The following TRERF1 variants were observed in gnomAD, a reference collection of about 807,000 sequenced individuals.
The protein encoded by TRERF1 is transcriptional regulating factor 1.
Under a neutral mutation model 122.9 loss-of-function variants are expected in TRERF1, and 27 were observed. The ratio of observed to expected loss-of-function variants is 0.22; its 90% CI spans 0.16 to 0.30. The LOEUF (loss-of-function observed/expected upper bound fraction) is 0.30, where lower values mean the gene tolerates loss of function less well. TRERF1 is among the 10% of genes least tolerant of loss of function. TRERF1 has a pLI of 1.00. For missense variants in TRERF1, 1,248 were observed against 1,560.3 expected, an observed-to-expected ratio of 0.80 and a Z score of 3.37; for synonymous variants, 636 against 641.7, an observed-to-expected ratio of 0.99 and a Z score of 0.13.
intron 2 of TRERF1, among the ~76,000 whole-genome samples, chr6:42,445,585 C>T (rs1787366178): frequency 6.7e-6 from 1 of 150,338 alleles, no homozygotes; most frequent in African/African-American, 2.5e-5. Flanking sequence ...CTTAGTGGTG[C>T]CCCAACTAAA....
chr6:42,438,244 G>A (rs1785799783), intron 2 of TRERF1, among the ~76,000 whole-genome samples: 1 of 151,210 alleles, frequency 6.6e-6, no homozygotes, highest in African/African-American at 2.4e-5. Context: ...TTTTTAAAAT[G>A]TATCCTGTCC....
intron 3 of TRERF1, among the ~76,000 whole-genome samples, chr6:42,312,815 C>T (rs1210438381): frequency 6.6e-6 from 1 of 152,200 alleles, no homozygotes; most frequent in Non-Finnish European, 1.5e-5. Context: ...AGGCAGCCCC[C>T]ACTCTCCAGG....
intron 13 of TRERF1, among the ~76,000 whole-genome samples, chr6:42,254,649 C>T (rs974558847): frequency 2.6e-5 from 4 of 151,856 alleles, no homozygotes; most frequent in Admixed American, 2.0e-4. Flanking sequence ...TTGGCACACC[C>T]ACAAGGGGCA....
At chr6:42,445,646 A>G (rs1467390234) in intron 2 of TRERF1, among the ~76,000 whole-genome samples, 1 of 151,988 alleles carries the variant, frequency 6.6e-6, no homozygotes, top group Non-Finnish European at 1.5e-5. Context: ...CATCTCAGGA[A>G]ACAGCACCAC....
In TRERF1 at chr6:42,269,766, T is replaced by G. The variant is rs1779885752; in HGVS notation, c.-176A>C. ...TGTTCCTGTTGGCCTGTACCACTCATGTGCAGGGCGGGGGGTTTCACATCC... is the reference window on the plus strand; with the variant it reads ...TGTTCCTGTTGGCCTGTACCACTCAGGTGCAGGGCGGGGGGTTTCACATCC... On this transcript the variant is annotated 5_prime_UTR_variant, in exon 5 of 18. The change abolishes an upstream ATG in the 5' untranslated region. Transcript: ENST00000372922. This position sits in a 1 kb window ranked among gnomAD's most constrained non-coding sequence, Gnocchi z 4.9. 1 of 1,435,758 alleles carries G rather than the reference T, an allele frequency of 7.0e-7. No individual in the cohort carries two copies. The highest frequency in any genetic ancestry group is 9.1e-7 in the Non-Finnish European group (1 of 1,100,258). 88.9% of individuals were successfully genotyped at this position (1,435,758 alleles called of 1,614,324 possible). A position where few individuals can be genotyped will look rare whatever the true frequency, so the allele number is the denominator to read the frequency against.
At chr6:42,349,538 C>A (rs528222867) in intron 3 of TRERF1, among the ~76,000 whole-genome samples, 6 of 152,176 alleles carry the variant, frequency 3.9e-5, no homozygotes, top group East Asian at 1.9e-4. Context: ...CCCAGTGAAC[C>A]ATTTCCTACC....
chr6:42,269,927 G>A lies in TRERF1; in HGVS notation c.-258-79C>T. On this transcript the variant is annotated intron_variant, in intron 4 of 17. Coordinates refer to ENST00000372922, the Ensembl canonical transcript of TRERF1. The surrounding 1 kb of genome is among the most constrained non-coding windows in gnomAD (Gnocchi z 4.9). ...GAGCAATTGATATCCACCATGACCAGTGATAAAAATAAACATATAATCCCA... is the reference window on the plus strand; with the variant it reads ...GAGCAATTGATATCCACCATGACCAATGATAAAAATAAACATATAATCCCA... 3.8e-6 allele frequency: 1 copy of A among 263,572 alleles called. No individual in the cohort carries two copies. Among genetic ancestry groups the A allele is most frequent in the South Asian group, 9.2e-5 (1 of 10,832 alleles). The allele number at this position is 263,572 out of a possible 1,614,324, so 16.3% of individuals were successfully genotyped here.
At chr6:42,233,510 C>T (rs1471131631) in intron 16 of TRERF1, among the ~76,000 whole-genome samples, 1 of 152,162 alleles carries the variant, frequency 6.6e-6, no homozygotes, top group South Asian at 2.1e-4. Flanking sequence ...TGGTCTCGAT[C>T]TCCTGACCTT....
chr6:42,307,147 G>A (rs1296203097), intron 3 of TRERF1, among the ~76,000 whole-genome samples: 1 of 152,146 alleles, frequency 6.6e-6, no homozygotes, highest in Non-Finnish European at 1.5e-5. Context: ...GTAGGACCTT[G>A]CTCCCTTTGC....
At chr6:42,233,442 C>A (rs982263512) in intron 16 of TRERF1, among the ~76,000 whole-genome samples, 1 of 151,970 alleles carries the variant, frequency 6.6e-6, no homozygotes, top group Non-Finnish European at 1.5e-5. Flanking sequence ...CCCGCCACCA[C>A]GCCTGGCTAA....
intron 2 of TRERF1, among the ~76,000 whole-genome samples, chr6:42,418,392 C>G (rs928420024): frequency 8.6e-5 from 13 of 151,044 alleles, no homozygotes; most frequent in Admixed American, 8.6e-4. Context: ...ACCTCAGCCT[C>G]CTGAGTAGCT....
In TRERF1 at chr6:42,306,294, G is replaced by A. The variant is rs1302926972; in HGVS notation, c.-370-5545C>T. ...TGGGATTACAGGTGTGAGCCACCACGCCCGGCCAATCTCCCCCTTCTTTTG... is the reference window on the plus strand; with the variant it reads ...TGGGATTACAGGTGTGAGCCACCACACCCGGCCAATCTCCCCCTTCTTTTG... On this transcript the variant is annotated intron_variant, in intron 3 of 17. Transcript: ENST00000372922. 3.9e-5 allele frequency among the ~76,000 whole-genome samples: 6 copies of A among 152,140 alleles called. No individual in the cohort carries two copies. In the East Asian group the frequency reaches 5.8e-4, roughly 15 times the overall value.
chr6:42,445,411 G>T (rs1328117435), intron 2 of TRERF1, among the ~76,000 whole-genome samples: 1 of 146,608 alleles, frequency 6.8e-6, no homozygotes, highest in African/African-American at 2.5e-5. Context: ...CCTTCACACT[G>T]CCTGTTCTTC....
In TRERF1 at chr6:42,451,860, C is replaced by T. The variant is rs1380392574; in HGVS notation, c.-539+161G>A. Among the ~76,000 whole-genome samples, 1 of 152,144 alleles carries T rather than the reference C, an allele frequency of 6.6e-6. No homozygotes were observed. Among genetic ancestry groups the T allele is most frequent in the Non-Finnish European group, 1.5e-5 (1 of 68,020 alleles). On this transcript the variant is annotated intron_variant, in intron 1 of 17. In the 5' UTR this introduces an upstream ATG that the reference lacks. Transcript: ENST00000372922. ...GCGCCGGGCTGCGCGCGTGCATCCA[C>T]CCTCCCCTTCAGGAAACTTACTCCC...
At position 42,232,955 on chromosome 6, in the gene TRERF1, TACTC is replaced by T. The variant is rs1198146491; in HGVS notation, c.3067-67_3067-64del. 2.7e-6 allele frequency: 4 copies of T among 1,495,494 alleles called. No homozygotes were observed. The African/African-American group carries it at 5.5e-5, about 21-fold the overall frequency. The allele number at this position is 1,495,494 out of a possible 1,614,324, so 92.6% of individuals were successfully genotyped here. On this transcript the variant is annotated intron_variant, in intron 16 of 17. Coordinates refer to ENST00000372922, the Ensembl canonical transcript of TRERF1. The surrounding 1 kb of genome is among the most constrained non-coding windows in gnomAD (Gnocchi z 4.5). The stretch of plus-strand genomic sequence containing the variant: ...TGAAAAGGAAATTAGGGTTATTAGT[TACTC>T]AGTGGTAAACATGGAATACTTGAAA...
chr6:42,327,244 C>T (rs1764443675), intron 3 of TRERF1, among the ~76,000 whole-genome samples: 1 of 152,216 alleles, frequency 6.6e-6, no homozygotes, highest in Non-Finnish European at 1.5e-5. Context: ...TGCATCTGTG[C>T]CCCACTGTGC....
intron 2 of TRERF1, among the ~76,000 whole-genome samples, chr6:42,449,683 G>C (rs1788125684): frequency 6.6e-6 from 1 of 152,232 alleles, no homozygotes; most frequent in Admixed American, 6.5e-5. Context: ...AAAAATAATA[G>C]CTAATTTGCT....
At chr6:42,416,596 T>C (rs925873651) in intron 2 of TRERF1, among the ~76,000 whole-genome samples, 1 of 152,246 alleles carries the variant, frequency 6.6e-6, no homozygotes, top group African/African-American at 2.4e-5. Context: ...ATTATGTTAT[T>C]AGAATGTCGC....
chr6:42,406,115 T>C (rs1185726322), intron 2 of TRERF1, among the ~76,000 whole-genome samples: 1 of 152,202 alleles, frequency 6.6e-6, no homozygotes, highest in Non-Finnish European at 1.5e-5. Flanking sequence ...GTCATCCTCA[T>C]TTTACAGAGG....
Sources: gnomAD v4.1 joint callset for allele counts (sites outside exome capture counted in the v4.1 genomes callset) on GRCh38, gnomAD v4.1.1 for gene constraint, Gnocchi (gnomAD v3.1) non-coding constraint, MANE v1.5 for transcripts, NCBI Gene and HGNC (gene_info 2026-07-23, HGNC 2026-07-21) for gene names.